The following PLA2R1 variants were observed in gnomAD, a reference collection of about 807,000 sequenced individuals.
PLA2R1 encodes secretory phospholipase A2 receptor.
A neutral mutation model predicts 195.9 loss-of-function variants in PLA2R1; 158 were observed. The observed-to-expected ratio is 0.81, with a 90% CI of 0.71 to 0.92. The LOEUF (loss-of-function observed/expected upper bound fraction) is 0.92, where lower values mean the gene tolerates loss of function less well. Ranked by LOEUF, PLA2R1 falls within the 40% of genes least tolerant of loss-of-function variation. The pLI is 0.00. For synonymous variants in PLA2R1, 586 were observed against 598.2 expected (o/e 0.98, Z 0.30); for missense variants, 1,626 against 1,764.6 (o/e 0.92, Z 1.41).
downstream of PLA2R1, among the ~76,000 whole-genome samples, chr2:159,929,320 C>T (rs1560117038): frequency 6.6e-6 from 1 of 152,108 alleles, no homozygotes; most frequent in East Asian, 1.9e-4. Flanking sequence ...AAAACAATCC[C>T]ACCAAAAAGT....
intron 1 of PLA2R1, among the ~76,000 whole-genome samples, chr2:160,048,177 A>G (rs1000509968): frequency 3.3e-5 from 5 of 152,242 alleles, no homozygotes; most frequent in African/African-American, 4.8e-5. Context: ...TAAGAGAAAA[A>G]GAGTGGCAGA....
chr2:159,927,013 A>G (rs62176713), downstream of PLA2R1, among the ~76,000 whole-genome samples: 6,990 of 152,232 alleles, frequency 0.046, 211 homozygotes, highest in Non-Finnish European at 0.07. Flanking sequence ...TCCCAGCCCC[A>G]CACTGGGCTG....
chr2:160,061,544 T>C (rs1318576831), intron 1 of PLA2R1, among the ~76,000 whole-genome samples: 1 of 151,952 alleles, frequency 6.6e-6, no homozygotes, highest in Non-Finnish European at 1.5e-5. Context: ...GAGGACGAGG[T>C]GGGCGGATCA....
chr2:159,950,027 A>G (rs910896676), intron 24 of PLA2R1, among the ~76,000 whole-genome samples: 2 of 152,198 alleles, frequency 1.3e-5, no homozygotes, highest in African/African-American at 4.8e-5. Context: ...GTGAAATTGG[A>G]CCAGTACCTT....
Position 160,020,243 on chromosome 2 carries a change from T to C in PLA2R1, c.1315A>G (p.Ile439Val). 6.2e-7 allele frequency: 1 copy of C among 1,608,424 alleles called. No individual in the cohort carries two copies. ...LGDENASETW[I>V]GLSSNKIPVS... is the part of the protein sequence containing the mutation. Reference sequence around the variant, plus strand: ...GGAATTTTATTGCTGCTCAAACCAATCCATGTTTCTGATGCATTTTCTGTA... The same window carrying C: ...GGAATTTTATTGCTGCTCAAACCAACCCATGTTTCTGATGCATTTTCTGTA... The change falls in exon 8 of 30, where the codon ATT becomes GTT. Residue 439 changes from isoleucine to valine, a missense_variant. Coordinates refer to ENST00000283243, the MANE Select transcript of PLA2R1 (RefSeq NM_007366.5).
intron 9 of PLA2R1, among the ~76,000 whole-genome samples, chr2:160,013,721 C>CTGTGTGTGTGTG (rs71000325): frequency 3.6e-4 from 42 of 116,612 alleles, no homozygotes; most frequent in Middle Eastern, 4.2e-3. Context: ...CTCTCTCTCT[C>CTGTGTGTGTGTG]TGTGTGTGTG....
chr2:160,053,704 C>G (rs7563607), intron 1 of PLA2R1, among the ~76,000 whole-genome samples: 45,986 of 152,208 alleles, frequency 0.3, 8,750 homozygotes, highest in Non-Finnish European at 0.42. Context: ...TTCAATGCAA[C>G]CTGGTTGCCA....
chr2:160,013,311 G>A lies in PLA2R1; in HGVS notation c.1616C>T (p.Ala539Val). ...AGGAGGACAGTAATAACCGCTGGAA[G>A]CTTGGTCAAAGCTTCGAAGGACTGT... The part of the protein sequence containing the change: ...IDTVLRSFDQ[A>V]SSGYYCPPAL... Residue 539 changes from alanine to valine, a missense_variant, in exon 10 of 30, where the codon GCT becomes GTT. Ala to Val is a moderately conservative substitution (Grantham distance 64, BLOSUM62 0). Transcript: ENST00000283243. 6.2e-7 allele frequency: 1 copy of A among 1,611,388 alleles called. No homozygotes were observed. Among genetic ancestry groups the A allele is most frequent in the Non-Finnish European group, 8.5e-7 (1 of 1,177,758 alleles).
At chr2:159,974,219 A>C (rs1381921807) in intron 17 of PLA2R1, among the ~76,000 whole-genome samples, 1 of 152,176 alleles carries the variant, frequency 6.6e-6, no homozygotes, top group East Asian at 1.9e-4. Flanking sequence ...ACATGCCCTG[A>C]CACTGCTGTT....
In PLA2R1 at chr2:160,022,790, T is replaced by C. The variant is rs1220244330; in HGVS notation, c.1169A>G (p.Tyr390Cys). ...PGWNPYNRNC[Y>C]KLQKEEKTWH... ...GGTCTTTTCTTCTTTCTGAAGTTTG[T>C]AGCAATTACGATTGTAGGGATTCCA... Residue 390 changes from tyrosine (Y) to cysteine (C), a missense_variant, in exon 7 of 30, where the codon TAC (tyrosine) becomes TGC (cysteine). Physicochemically the swap from Tyr to Cys is radical, Grantham distance 194. Coordinates refer to ENST00000283243, the MANE Select transcript of PLA2R1 (RefSeq NM_007366.5). 1 of 1,613,624 alleles carries C rather than the reference T, an allele frequency of 6.2e-7. No homozygotes were observed. The highest frequency in any genetic ancestry group is 8.5e-7 in the Non-Finnish European group (1 of 1,179,612).
rs1185428877 is a variant in PLA2R1 at position 159,984,021 on chromosome 2, G to T, written c.2090C>A (p.Ala697Glu). 2 of 1,592,402 alleles carry T rather than the reference G, an allele frequency of 1.3e-6. No homozygotes were observed. The highest frequency in any genetic ancestry group is 1.7e-6 in the Non-Finnish European group (2 of 1,161,068). ...ATGAGCTCCAAATTCTTCGCAAAAT[G>T]CTTCAGCTTCTCTCCATGTTCTTTT... ...LMKRTWREAE[A>E]FCEEFGAHLA... Residue 697 changes from alanine (A) to glutamate (E), a missense_variant, in exon 13 of 30, where the codon GCA becomes GAA. Physicochemically the swap from Ala to Glu is moderately radical, Grantham distance 107. Coordinates refer to ENST00000283243, the MANE Select transcript of PLA2R1 (RefSeq NM_007366.5).
At chr2:159,949,492 G>A in intron 25 of PLA2R1, 116 bp downstream of exon 25, 1 of 652,232 alleles carries the variant, frequency 1.5e-6, no homozygotes, top group Admixed American at 2.8e-5. Context: ...CAGACCAGAG[G>A]CTTCTTGAAG....
intron 20 of PLA2R1, among the ~76,000 whole-genome samples, chr2:159,961,327 T>C (rs1299448755): frequency 3.3e-5 from 5 of 151,990 alleles, no homozygotes; most frequent in Non-Finnish European, 7.4e-5. Flanking sequence ...GAAGAAAGAG[T>C]TGTGGAACTA....
chr2:159,966,721 A>G (rs908572861), intron 20 of PLA2R1, among the ~76,000 whole-genome samples: 2 of 152,198 alleles, frequency 1.3e-5, no homozygotes, highest in African/African-American at 4.8e-5. Context: ...GCTGTCCACA[A>G]TTGAAGAGGA....
rs537715924 is a variant in PLA2R1 at position 159,981,546 on chromosome 2, C to A, written c.2184-1632G>T. ...TCAGTCTCCTGAGTAGCTGGGACTA[C>A]AGATGTGTGCCACTACACCTGGCTA... On this transcript the variant is annotated intron_variant, in intron 13 of 29. Coordinates refer to ENST00000283243, the MANE Select transcript of PLA2R1 (RefSeq NM_007366.5). Among the ~76,000 whole-genome samples the A allele has an allele frequency of 5.3e-5, 8 of 152,186 alleles. No homozygotes were observed. In the South Asian group the frequency reaches 8.3e-4, roughly 16 times the overall value.
intron 25 of PLA2R1, among the ~76,000 whole-genome samples, chr2:159,947,910 G>A (rs190448710): frequency 6.0e-4 from 91 of 152,300 alleles, no homozygotes; most frequent in Admixed American, 5.8e-3. Context: ...GCAGCTGACT[G>A]ATGCTGGTAA....
rs868063495 is a variant in PLA2R1, at chr2:159,937,374, A to G, written c.*4404T>C. 1.6e-4 allele frequency: 24 copies of G among 152,264 alleles called. No homozygotes were observed. The highest frequency in any genetic ancestry group is 5.1e-4 in the African/African-American group (21 of 41,476). 9.4% of individuals were successfully genotyped at this position (152,264 alleles called of 1,614,324 possible). ...CCCTATTACAAGCTTTAATCAGAAC[A>G]CAAGAGCAGCAGATTTAGTTCATTC... On this transcript the variant is annotated 3_prime_UTR_variant, in exon 30 of 30. Coordinates refer to ENST00000283243, the MANE Select transcript of PLA2R1 (RefSeq NM_007366.5).
intron 11 of PLA2R1, among the ~76,000 whole-genome samples, chr2:159,988,092 A>C (rs1690482826): frequency 1.3e-5 from 2 of 152,158 alleles, no homozygotes; most frequent in Admixed American, 6.5e-5. Context: ...ATTTTTCCAC[A>C]GAAACAATTT....
rs537860621 is a variant in PLA2R1 at position 160,016,534 on chromosome 2, A to T, written c.1551+80T>A. The T allele has an allele frequency of 2.0e-4, 152 of 742,104 alleles. No homozygotes were observed. The East Asian group carries it at 4.0e-3, about 19-fold the overall frequency. The allele number at this position is 742,104 out of a possible 1,614,324, so 46.0% of individuals were successfully genotyped here. On this transcript the variant is annotated intron_variant, in intron 9 of 29. Transcript: ENST00000283243. ...GGAGAGAGAGAGAGGAGAAAGAGAAATTCACTTCAAATTGATGGTGGAATT... is the reference window on the plus strand; with the variant it reads ...GGAGAGAGAGAGAGGAGAAAGAGAATTTCACTTCAAATTGATGGTGGAATT...
Sources: gnomAD v4.1 joint callset for allele counts (sites outside exome capture counted in the v4.1 genomes callset) on GRCh38, gnomAD v4.1.1 for gene constraint, MANE v1.5 for transcripts, NCBI Gene and HGNC (gene_info 2026-07-23, HGNC 2026-07-21) for gene names.